GEMIN2: variants seen among roughly 807,000 people sequenced by gnomAD.
GEMIN2 encodes gem-associated protein 2.
GEMIN2 carries 37 observed loss-of-function variants against 45.8 expected under a neutral mutation model. That is an observed-to-expected ratio of 0.81 (90% CI 0.62 to 1.06). The LOEUF is 1.06. Among genes scored for constraint, GEMIN2 ranks in the 50% least tolerant of loss-of-function variants. The pLI, the probability that GEMIN2 is intolerant of heterozygous loss-of-function variation, is 0.00. For synonymous variants in GEMIN2, 101 were observed against 111.5 expected (o/e 0.91, Z 0.60); for missense variants, 335 against 321.8 (o/e 1.04, Z -0.31).
At chr14:39,121,486 C>T (rs2052572181) in intron 4 of GEMIN2, among the ~76,000 whole-genome samples, 1 of 152,162 alleles carries the variant, frequency 6.6e-6, no homozygotes, top group African/African-American at 2.4e-5. Flanking sequence ...GAACTGTAAT[C>T]ACACCTCTGC....
intron 8 of GEMIN2, 67 bp from the exon 9 acceptor site, chr14:39,133,594 A>C (rs1346284998): frequency 5.9e-6 from 5 of 843,496 alleles, no homozygotes; most frequent in Non-Finnish European, 7.2e-6. Flanking sequence ...TTTACATCTT[A>C]ATAGAAAATT....
At chr14:39,115,041 C>T in intron 2 of GEMIN2, 128 bp downstream of exon 2, 1 of 626,918 alleles carries the variant, frequency 1.6e-6, no homozygotes, top group Non-Finnish European at 2.9e-6. Context: ...GTTAGACATT[C>T]GCTTGTACTT....
At chr14:39,123,709 T>TATATATATGTA (rs60209051) in intron 5 of GEMIN2, among the ~76,000 whole-genome samples, 2 of 28,990 alleles carry the variant, frequency 6.9e-5, no homozygotes, top group African/African-American at 3.4e-4. Context: ...TATATATATA[T>TATATATATGTA]TTTTTTTTTT....
At chr14:39,132,439 G>A (rs1413937595) in intron 8 of GEMIN2, among the ~76,000 whole-genome samples, 1 of 152,014 alleles carries the variant, frequency 6.6e-6, no homozygotes, top group African/African-American at 2.4e-5. Context: ...GCTGAGGCAG[G>A]AGAATCGTTC....
At chr14:39,117,341 C>T (rs2052522136) in intron 2 of GEMIN2, among the ~76,000 whole-genome samples, 1 of 151,026 alleles carries the variant, frequency 6.6e-6, no homozygotes, top group Admixed American at 6.6e-5. Flanking sequence ...TTTGCCCATA[C>T]CAAAGTTCTT....
At chr14:39,135,000 T>C (rs1032949364) in intron 9 of GEMIN2, among the ~76,000 whole-genome samples, 1 of 152,200 alleles carries the variant, frequency 6.6e-6, no homozygotes, top group Non-Finnish European at 1.5e-5. Flanking sequence ...TAATAAATTT[T>C]TTCCTTTCAG....
At chr14:39,124,840 G>T in intron 5 of GEMIN2, 152 bp from the exon 6 acceptor site, 1 of 538,806 alleles carries the variant, frequency 1.9e-6, no homozygotes, top group African/African-American at 1.9e-5. Flanking sequence ...AGTAGTTTCC[G>T]GAATGTCTCA....
At chr14:39,129,135 T>TATGG (rs796695628) in intron 7 of GEMIN2, among the ~76,000 whole-genome samples, 79 of 152,244 alleles carry the variant, frequency 5.2e-4, no homozygotes, top group African/African-American at 1.7e-3. Flanking sequence ...GAAATAAATA[T>TATGG]ATGGTTTTTT....
At chr14:39,116,228 G>A (rs528991165) in intron 2 of GEMIN2, among the ~76,000 whole-genome samples, 1 of 151,944 alleles carries the variant, frequency 6.6e-6, no homozygotes, top group South Asian at 2.1e-4. Flanking sequence ...TAGAGACGTG[G>A]TTTTACCATG....
At chr14:39,131,564 G>A (rs940299077) in intron 7 of GEMIN2, among the ~76,000 whole-genome samples, 1 of 151,986 alleles carries the variant, frequency 6.6e-6, no homozygotes, top group African/African-American at 2.4e-5. Context: ...TGTCCCCAGA[G>A]GACAAAATTA....
In GEMIN2 at chr14:39,128,355, T is replaced by A. The variant is rs767270387; in HGVS notation, c.600+7T>A. The A allele has an allele frequency of 4.0e-6, 6 of 1,507,518 alleles. No individual in the cohort carries two copies. Among genetic ancestry groups the A allele is most frequent in the Non-Finnish European group, 1.8e-6 (2 of 1,090,202 alleles). 93.4% of individuals were successfully genotyped at this position (1,507,518 alleles called of 1,614,324 possible). A position where few individuals can be genotyped will look rare whatever the true frequency, so the allele number is the denominator to read the frequency against. ...AGACTTTACTCCAGAATTGGTAGTA[T>A]TGCATGTTTTTCTTTTCATAATGTA... is the stretch of plus-strand genomic sequence containing the variant. On this transcript the variant is annotated splice_region_variant and intron_variant, in intron 7 of 9. Coordinates refer to ENST00000308317, the MANE Select transcript of GEMIN2 (RefSeq NM_003616.3).
intron 1 of GEMIN2, 145 bp downstream of exon 1, chr14:39,114,620 G>A: frequency 1.5e-6 from 1 of 681,572 alleles, no homozygotes; most frequent in Admixed American, 2.9e-5. Flanking sequence ...GCGAGTTTCT[G>A]TTGAACGTGA....
chr14:39,136,890 G>C lies in GEMIN2; in HGVS notation c.*411G>C, dbSNP rs184121106. On this transcript the variant is annotated 3_prime_UTR_variant, in exon 10 of 10. Coordinates refer to ENST00000308317, the MANE Select transcript of GEMIN2 (RefSeq NM_003616.3). ...GACTCCTAACAAAAGACAATGGATG[G>C]CCTTAGCATCAGAATTAAAATAATC... 684 of 156,234 alleles carry C rather than the reference G, an allele frequency of 4.4e-3. 7 individuals are homozygous for C. The highest frequency in any genetic ancestry group is 0.016 in the African/African-American group (658 of 41,532). 9.7% of individuals were successfully genotyped at this position (156,234 alleles called of 1,614,324 possible). A position where few individuals can be genotyped will look rare whatever the true frequency, so the allele number is the denominator to read the frequency against.
chr14:39,120,880 T>C (rs1365059967), intron 4 of GEMIN2, among the ~76,000 whole-genome samples: 1 of 152,148 alleles, frequency 6.6e-6, no homozygotes, highest in Non-Finnish European at 1.5e-5. Context: ...ATCCTAAGGA[T>C]TTAATGAAAG....
chr14:39,135,787 G>C (rs983656459), intron 9 of GEMIN2, among the ~76,000 whole-genome samples: 1 of 152,082 alleles, frequency 6.6e-6, no homozygotes, highest in Non-Finnish European at 1.5e-5. Flanking sequence ...CCTTGCCAAA[G>C]TTAAAATTAT....
chr14:39,134,355 C>A (rs8007063), intron 9 of GEMIN2: 141,049 of 152,240 alleles, frequency 0.93, 65,438 homozygotes, highest in East Asian at 0.95. Flanking sequence ...AGTAGCTGGG[C>A]TTACAGGCAC....
In GEMIN2 at chr14:39,131,975, T is replaced by C; in HGVS notation, c.618T>C (p.Ala206=). The change falls in exon 8 of 10, where the codon GCT becomes GCC. Residue 206 remains alanine, a synonymous_variant. Transcript: ENST00000308317. ...TTTTTTAGGGAAGATGGCTTTATGC[T>C]TTATTGGCTTGTCTTGAAAAGCCTT... The part of the protein sequence containing the change: ...FTPELGRWLY[A]LLACLEKPLL... 1 of 1,581,456 alleles carries C rather than the reference T, an allele frequency of 6.3e-7. No individual in the cohort carries two copies. The highest frequency in any genetic ancestry group is 1.1e-5 in the South Asian group (1 of 89,806).
chr14:39,124,406 T>C (rs2052614531), intron 5 of GEMIN2, among the ~76,000 whole-genome samples: 1 of 150,170 alleles, frequency 6.7e-6, no homozygotes, highest in South Asian at 2.1e-4. Flanking sequence ...GTTAGTTTTT[T>C]CAAGTACTAT....
At chr14:39,133,189 G>GAC (rs1050246765) in intron 8 of GEMIN2, among the ~76,000 whole-genome samples, 1 of 144,630 alleles carries the variant, frequency 6.9e-6, no homozygotes, top group Non-Finnish European at 1.5e-5. Flanking sequence ...GCATTATATA[G>GAC]AGGAACAATA....
Sources: allele counts gnomAD v4.1 joint callset (sites outside exome capture counted in the v4.1 genomes callset), GRCh38; gene constraint gnomAD v4.1.1; transcripts MANE v1.5; gene names NCBI Gene and HGNC (gene_info 2026-07-23, HGNC 2026-07-21).